Variants in FAM13C observed in about 807,000 individuals in gnomAD.
FAM13C encodes protein FAM13C.
A neutral mutation model predicts 73.2 loss-of-function variants in FAM13C; 37 were observed. The ratio of observed to expected loss-of-function variants is 0.51; its 90% CI spans 0.39 to 0.67. FAM13C has a LOEUF of 0.67. FAM13C is among the 30% of genes least tolerant of loss of function. The pLI is 0.00. For missense variants in FAM13C, 589 were observed against 715.6 expected, an observed-to-expected ratio of 0.82 and a Z score of 2.02; for synonymous variants, 246 against 260.9, an observed-to-expected ratio of 0.94 and a Z score of 0.55.
intron 3 of FAM13C, among the ~76,000 whole-genome samples, chr10:59,324,923 T>C (rs1850888224): frequency 6.6e-6 from 1 of 152,006 alleles, no homozygotes; most frequent in Non-Finnish European, 1.5e-5. Flanking sequence ...AAAACTAATC[T>C]GGATTCAACA....
At chr10:59,286,516 A>AATAC (rs1554820149) in intron 5 of FAM13C, among the ~76,000 whole-genome samples, 1 of 110,946 alleles carries the variant, frequency 9.0e-6, no homozygotes, top group East Asian at 2.5e-4. Flanking sequence ...CTCCATCTCA[A>AATAC]ATATATATAT....
intron 2 of FAM13C, 73 bp from the exon 3 acceptor site, chr10:59,352,547 G>A (rs1368979146): frequency 3.8e-5 from 54 of 1,421,520 alleles, no homozygotes; most frequent in Non-Finnish European, 5.0e-5. Context: ...AAAGAGGGCT[G>A]GAGATATTCA....
Position 59,318,301 on chromosome 10 carries a change from A to G in FAM13C, c.443+5687T>C, listed in dbSNP as rs182852010. On this transcript the variant is annotated intron_variant, in intron 4 of 13. Coordinates refer to ENST00000618804, the MANE Select transcript of FAM13C (RefSeq NM_198215.4). ...AAAAACAACAAAAAAGGAAAATTTC[A>G]TTTCCAAAATAATCAAGTGTGAGCT... Among the ~76,000 whole-genome samples, 304 of 152,218 alleles carry G rather than the reference A, an allele frequency of 2.0e-3. 1 individual carries two copies. Among genetic ancestry groups the G allele is most frequent in the Non-Finnish European group, 3.2e-3 (218 of 68,010 alleles).
At chr10:59,314,239 C>T (rs1039562282) in intron 4 of FAM13C, among the ~76,000 whole-genome samples, 1 of 152,182 alleles carries the variant, frequency 6.6e-6, no homozygotes, top group African/African-American at 2.4e-5. Flanking sequence ...TAAGCAAAAA[C>T]CTTCATGGAG....
chr10:59,319,031 G>A (rs544119594), intron 4 of FAM13C, among the ~76,000 whole-genome samples: 34 of 149,412 alleles, frequency 2.3e-4, no homozygotes, highest in Non-Finnish European at 3.3e-4. Flanking sequence ...CTCTGCTTAC[G>A]TCTATGAAAA....
chr10:59,294,355 G>A (rs1270074722), intron 5 of FAM13C, among the ~76,000 whole-genome samples: 1 of 152,200 alleles, frequency 6.6e-6, no homozygotes, highest in East Asian at 1.9e-4. Context: ...TGGGACAAAG[G>A]GACAGAGGAG....
chr10:59,308,963 A>G (rs1378385730), intron 4 of FAM13C, among the ~76,000 whole-genome samples: 1 of 152,232 alleles, frequency 6.6e-6, no homozygotes, highest in Non-Finnish European at 1.5e-5. Flanking sequence ...GGACAGTGTC[A>G]AACTGCAGGA....
chr10:59,269,862 G>C (rs764779870), intron 7 of FAM13C, 37 bp downstream of exon 7: 47 of 1,602,148 alleles, frequency 2.9e-5, no homozygotes, highest in Non-Finnish European at 3.4e-6. Context: ...TTGAAAAACT[G>C]TATGAAATGA....
At chr10:59,278,463 G>C (rs1328698159) in intron 6 of FAM13C, among the ~76,000 whole-genome samples, 1 of 152,088 alleles carries the variant, frequency 6.6e-6, no homozygotes, top group African/African-American at 2.4e-5. Context: ...TACAGCAAAG[G>C]TTTCTGAACC....
chr10:59,299,033 C>T (rs1009451324), intron 5 of FAM13C, among the ~76,000 whole-genome samples: 1 of 152,056 alleles, frequency 6.6e-6, no homozygotes, highest in African/African-American at 2.4e-5. Flanking sequence ...AAGGATAAAT[C>T]AGTTCTGGTG....
intron 4 of FAM13C, among the ~76,000 whole-genome samples, chr10:59,306,476 G>T (rs1166733775): frequency 1.3e-5 from 2 of 152,188 alleles, no homozygotes; most frequent in African/African-American, 4.8e-5. Flanking sequence ...GTGCCTTAAG[G>T]AGACTTAGAA....
At chr10:59,285,398 C>CAG (rs59767084) in intron 5 of FAM13C, among the ~76,000 whole-genome samples, 35,425 of 151,816 alleles carry the variant, frequency 0.23, 5,581 homozygotes, top group African/African-American at 0.44. Context: ...GGGAGGCAAA[C>CAG]AAAGATTCTA....
chr10:59,263,434 G>A (rs920884738), intron 9 of FAM13C, among the ~76,000 whole-genome samples: 6 of 152,156 alleles, frequency 3.9e-5, no homozygotes, highest in African/African-American at 1.4e-4. Flanking sequence ...CACTGAATTA[G>A]TATTCCCTTC....
At chr10:59,305,557 T>C (rs951967041) in intron 4 of FAM13C, among the ~76,000 whole-genome samples, 47 of 152,230 alleles carry the variant, frequency 3.1e-4, no homozygotes, top group Admixed American at 9.8e-4. Context: ...ACAAGGTCAA[T>C]ATCTAAATGT....
intron 1 of FAM13C, among the ~76,000 whole-genome samples, chr10:59,358,194 A>G (rs1300406340): frequency 1.3e-5 from 2 of 152,196 alleles, no homozygotes; most frequent in Non-Finnish European, 2.9e-5. Context: ...CCTGGCCAAC[A>G]TGGTAAAACC....
At chr10:59,305,755 A>C (rs1360649039) in intron 4 of FAM13C, among the ~76,000 whole-genome samples, 2 of 152,230 alleles carry the variant, frequency 1.3e-5, no homozygotes, top group Admixed American at 1.3e-4. Context: ...ACAAACCAGC[A>C]TTTCCCTCCT....
intron 3 of FAM13C, among the ~76,000 whole-genome samples, chr10:59,350,165 C>G (rs1224539674): frequency 6.6e-6 from 1 of 152,202 alleles, no homozygotes; most frequent in Non-Finnish European, 1.5e-5. Flanking sequence ...GAACAGGCCA[C>G]TTAAATTCCA....
intron 3 of FAM13C, among the ~76,000 whole-genome samples, chr10:59,334,536 A>T (rs952237650): frequency 6.6e-6 from 1 of 152,214 alleles, no homozygotes; most frequent in Non-Finnish European, 1.5e-5. Context: ...AGACTGGATT[A>T]AGAAAACGTG....
At chr10:59,323,476 C>T (rs979273309) in intron 4 of FAM13C, 1 of 165,726 alleles carries the variant, frequency 6.0e-6, no homozygotes, top group African/African-American at 2.4e-5. Context: ...TGCAATCAGA[C>T]ATTTGTGGGT....
Sources: allele counts gnomAD v4.1 joint callset (sites outside exome capture counted in the v4.1 genomes callset), GRCh38; gene constraint gnomAD v4.1.1; transcripts MANE v1.5; gene names NCBI Gene and HGNC (gene_info 2026-07-23, HGNC 2026-07-21).